Variants in SGCD observed in about 807,000 individuals in gnomAD.
SGCD encodes the protein sarcoglycan delta.
In SGCD, 18 loss-of-function variants were observed where a neutral mutation model predicts 36.6. That is an observed-to-expected ratio of 0.49 (90% CI 0.34 to 0.73). SGCD has a LOEUF of 0.73. Ranked by LOEUF, SGCD falls within the 30% of genes least tolerant of loss-of-function variation. The pLI, the probability that SGCD is intolerant of heterozygous loss-of-function variation, is 0.01. For synonymous variants in SGCD, 133 were observed against 130.6 expected (o/e 1.02, Z -0.12); for missense variants, 387 against 346.7 (o/e 1.12, Z -0.92).
rs141261959 is a variant in SGCD at position 156,287,105 on chromosome 5, G to A, written c.-43-42429G>A. Among the ~76,000 whole-genome samples, 1,184 of 152,210 alleles carry A rather than the reference G, an allele frequency of 7.8e-3. 8 individuals are homozygous for A. Among genetic ancestry groups the A allele is most frequent in the African/African-American group, 0.022 (927 of 41,544 alleles). On this transcript the variant is annotated intron_variant, in intron 3 of 9. Coordinates refer to the SGCD transcript ENST00000517913. Reference sequence around the variant, plus strand: ...CTCAGTGATAACAAGTGTTATCAGGGCTTGGGTGTAAGAAGAGAAGCAATT... The same window carrying A: ...CTCAGTGATAACAAGTGTTATCAGGACTTGGGTGTAAGAAGAGAAGCAATT...
chr5:155,753,561 C>T, the SGCD span, among the ~76,000 whole-genome samples: 8 of 151,800 alleles, frequency 5.3e-5, no homozygotes, highest in Admixed American at 3.3e-4. Context: ...TTTTTTCTGT[C>T]ATTGCAATGT....
chr5:156,588,760 T>G (rs1760596665), intron 4 of SGCD, among the ~76,000 whole-genome samples: 1 of 152,180 alleles, frequency 6.6e-6, no homozygotes, highest in African/African-American at 2.4e-5. Flanking sequence ...TTATAGTTGG[T>G]GGGTATGCCC....
chr5:156,042,898 T>C (rs1169211723), intron 1 of SGCD, among the ~76,000 whole-genome samples: 1 of 152,192 alleles, frequency 6.6e-6, no homozygotes, highest in Non-Finnish European at 1.5e-5. Flanking sequence ...CTCAGCCTCC[T>C]CACTTAGTGG....
chr5:155,853,641 A>T, the SGCD span, among the ~76,000 whole-genome samples: 5 of 152,228 alleles, frequency 3.3e-5, no homozygotes, highest in Non-Finnish European at 7.3e-5. Context: ...TCTGTGTTCT[A>T]TAAACCAAGT....
intron 3 of SGCD, among the ~76,000 whole-genome samples, chr5:156,474,527 A>G (rs116282690): frequency 0.019 from 2,859 of 152,296 alleles, 105 homozygotes; most frequent in African/African-American, 0.065. Flanking sequence ...AGCCCTGAAC[A>G]TGGGCCACTC....
At chr5:156,679,372 T>C (rs1753636264) in intron 7 of SGCD, among the ~76,000 whole-genome samples, 2 of 152,198 alleles carry the variant, frequency 1.3e-5, no homozygotes, top group Non-Finnish European at 2.9e-5. Context: ...TGTCATAACA[T>C]GGTGATTTTG....
intron 1 of SGCD, among the ~76,000 whole-genome samples, chr5:155,872,803 A>C (rs1440745457): frequency 6.6e-6 from 1 of 152,192 alleles, no homozygotes; most frequent in Non-Finnish European, 1.5e-5. Context: ...GGTGTGAGCA[A>C]GATTTACGTG....
intron 3 of SGCD, among the ~76,000 whole-genome samples, chr5:156,436,189 T>C (rs1276348310): frequency 1.3e-5 from 2 of 152,210 alleles, no homozygotes; most frequent in African/African-American, 4.8e-5. Context: ...TTTGAATTGA[T>C]TTTATGTGAT....
At chr5:155,991,047 T>G (rs1758422469) in intron 1 of SGCD, among the ~76,000 whole-genome samples, 1 of 152,202 alleles carries the variant, frequency 6.6e-6, no homozygotes, top group Non-Finnish European at 1.5e-5. Flanking sequence ...TCTGTGTTTG[T>G]AACACATTCC....
At chr5:156,619,049 A>C (rs1249912616) in intron 6 of SGCD, among the ~76,000 whole-genome samples, 2 of 148,028 alleles carry the variant, frequency 1.4e-5, no homozygotes, top group African/African-American at 5.0e-5. Flanking sequence ...CTTCTGAGAC[A>C]GCGTATCGCT....
At chr5:155,890,497 T>C (rs1342920228) in intron 1 of SGCD, among the ~76,000 whole-genome samples, 1 of 152,000 alleles carries the variant, frequency 6.6e-6, no homozygotes, top group South Asian at 2.1e-4. Context: ...TAGTCCCAGC[T>C]ACTTGGGAGG....
chr5:156,276,774 G>A (rs552520885), intron 3 of SGCD, among the ~76,000 whole-genome samples: 192 of 152,116 alleles, frequency 1.3e-3, no homozygotes, highest in Non-Finnish European at 1.8e-3. Flanking sequence ...AATAAAATAT[G>A]TATAAATAAT....
intron 3 of SGCD, among the ~76,000 whole-genome samples, chr5:156,144,690 C>G (rs1324106058): frequency 6.6e-6 from 1 of 152,162 alleles, no homozygotes; most frequent in Non-Finnish European, 1.5e-5. Flanking sequence ...TGTAGGTTGC[C>G]TGTTCACTCT....
chr5:155,728,418 C>G, the SGCD span, among the ~76,000 whole-genome samples: 1 of 152,314 alleles, frequency 6.6e-6, no homozygotes. Context: ...CCTGGCGAGC[C>G]GGCGAAGCAC....
chr5:156,038,980 G>A (rs911962922), intron 1 of SGCD, among the ~76,000 whole-genome samples: 5 of 152,066 alleles, frequency 3.3e-5, no homozygotes, highest in South Asian at 2.1e-4. Flanking sequence ...CTGCTTGCTC[G>A]CTCTTCAATT....
intron 1 of SGCD, among the ~76,000 whole-genome samples, chr5:156,070,009 A>G (rs996994955): frequency 1.3e-5 from 2 of 151,970 alleles, no homozygotes; most frequent in African/African-American, 4.8e-5. Context: ...AAAGTTGCTT[A>G]TCAGCTTAAG....
At chr5:156,230,478 A>G (rs1407247197) in intron 3 of SGCD, among the ~76,000 whole-genome samples, 2 of 152,084 alleles carry the variant, frequency 1.3e-5, no homozygotes, top group Non-Finnish European at 2.9e-5. Context: ...CAGTAAGTCT[A>G]CCAACTTGGG....
At chr5:156,433,705 G>A (rs375522734) in intron 3 of SGCD, among the ~76,000 whole-genome samples, 31 of 152,262 alleles carry the variant, frequency 2.0e-4, no homozygotes, top group African/African-American at 6.7e-4. Flanking sequence ...TTTTATCAGG[G>A]CAGAAAGCTG....
At chr5:156,484,487 C>A (rs942018987) in intron 3 of SGCD, among the ~76,000 whole-genome samples, 3 of 152,176 alleles carry the variant, frequency 2.0e-5, no homozygotes, top group Non-Finnish European at 4.4e-5. Flanking sequence ...CTGCAATACT[C>A]TGTAAAAGAC....
Sources: allele counts gnomAD v4.1 joint callset (sites outside exome capture counted in the v4.1 genomes callset), GRCh38; gene constraint gnomAD v4.1.1; transcripts MANE v1.5; gene names NCBI Gene and HGNC (gene_info 2026-07-23, HGNC 2026-07-21).